MCPH1: variants seen among roughly 807,000 people sequenced by gnomAD.
The protein encoded by MCPH1 is microcephalin 1, also known as microcephalin.
A neutral mutation model predicts 84.5 loss-of-function variants in MCPH1; 104 were observed. That is an observed-to-expected ratio of 1.23 (90% CI 1.05 to 1.45). The LOEUF is 1.45. MCPH1 is among the 40% of genes most tolerant of loss of function. MCPH1 has a pLI of 0.00. For missense variants in MCPH1, 1,498 were observed against 1,005.7 expected, an observed-to-expected ratio of 1.49 and a Z score of -6.62; for synonymous variants, 514 against 366.8, an observed-to-expected ratio of 1.40 and a Z score of -4.58.
At chr8:6,529,040 T>C (rs538705458) in intron 12 of MCPH1, among the ~76,000 whole-genome samples, 10 of 152,340 alleles carry the variant, frequency 6.6e-5, no homozygotes, top group Non-Finnish European at 1.5e-4. Flanking sequence ...TGTGTCCTGT[T>C]TAATTCATAA....
rs181136961 is a variant in MCPH1, at chr8:6,417,428, C to T, written c.233+2545C>T. On this transcript the variant is annotated intron_variant, in intron 3 of 13. Transcript: ENST00000344683. Reference sequence around the variant, plus strand: ...CTTTACTTATAAGTCTGGCAGGAAGCCAGGTAGTTTCCCAATCCTTTCTGT... The same window carrying T: ...CTTTACTTATAAGTCTGGCAGGAAGTCAGGTAGTTTCCCAATCCTTTCTGT... Among the ~76,000 whole-genome samples, 239 of 152,272 alleles carry T rather than the reference C, an allele frequency of 1.6e-3. 3 individuals are homozygous for T. The highest frequency in any genetic ancestry group is 9.6e-4 in the East Asian group (5 of 5,192).
chr8:6,493,575 G>C (rs1387366218), intron 11 of MCPH1, among the ~76,000 whole-genome samples: 2 of 152,176 alleles, frequency 1.3e-5, no homozygotes, highest in Admixed American at 6.5e-5. Flanking sequence ...GAGACAGCTA[G>C]AGCAGTGCTT....
intron 12 of MCPH1, among the ~76,000 whole-genome samples, chr8:6,597,487 G>T (rs1829019632): frequency 6.6e-6 from 1 of 152,112 alleles, no homozygotes. Flanking sequence ...AAATACCGAA[G>T]ACTGTGCAAA....
At chr8:6,465,198 T>C (rs950015977) in intron 9 of MCPH1, among the ~76,000 whole-genome samples, 2 of 152,212 alleles carry the variant, frequency 1.3e-5, no homozygotes, top group African/African-American at 4.8e-5. Context: ...CTGTTTGAGA[T>C]ATTCGGAAAC....
chr8:6,607,812 G>A (rs796185438), intron 12 of MCPH1, among the ~76,000 whole-genome samples: 1 of 152,138 alleles, frequency 6.6e-6, no homozygotes, highest in Non-Finnish European at 1.5e-5. Context: ...GCCTCCCCAG[G>A]CAGGTGGAAC....
At position 6,480,735 on chromosome 8, in the gene MCPH1, G is replaced by A. The variant is rs1057232612; in HGVS notation, c.1995G>A (p.Gln665=). The change falls in exon 11 of 14, where the codon CAG becomes CAA. Residue 665 remains glutamine (Q), a synonymous_variant. Coordinates refer to ENST00000344683, the MANE Select transcript of MCPH1 (RefSeq NM_024596.5). ...MPSEKQNVVI[Q]VVDKLKGFSI... Reference sequence around the variant, plus strand: ...ACAGAAAGCAGAATGTCGTCATCCAGGTTGTGGATAAATTGAAAGGCTTTT... The same window carrying A: ...ACAGAAAGCAGAATGTCGTCATCCAAGTTGTGGATAAATTGAAAGGCTTTT... The A allele has an allele frequency of 6.2e-7, 1 of 1,614,034 alleles. No homozygotes were observed. The highest frequency in any genetic ancestry group is 1.7e-5 in the Admixed American group (1 of 60,002).
At chr8:6,472,587 C>A (rs950840860) in intron 9 of MCPH1, among the ~76,000 whole-genome samples, 20 of 152,074 alleles carry the variant, frequency 1.3e-4, no homozygotes, top group Admixed American at 9.2e-4. Flanking sequence ...CTGCCCCAGC[C>A]TCCCAAGTAG....
chr8:6,455,340 A>G, intron 9 of MCPH1, 88 bp downstream of exon 9: 1 of 951,294 alleles, frequency 1.1e-6, no homozygotes, highest in Non-Finnish European at 1.7e-6. Flanking sequence ...AAACCAGTCT[A>G]TCTGACTTGT....
At chr8:6,504,979 C>T (rs1381991309) in intron 12 of MCPH1, among the ~76,000 whole-genome samples, 1 of 151,562 alleles carries the variant, frequency 6.6e-6, no homozygotes, top group South Asian at 2.1e-4. Flanking sequence ...GTTGGAGGAA[C>T]ACATACAGTA....
Position 6,444,496 on chromosome 8 carries a change from T to A in MCPH1, c.774T>A (p.Ile258=). Residue 258 remains isoleucine, a synonymous_variant, in exon 8 of 14, where the codon ATT becomes ATA. Transcript: ENST00000344683. The stretch of plus-strand genomic sequence containing the variant: ...AGTTGGAAGGATCCATTAATGACAT[T>A]AAAAGTGATGTGTGTATTTCTTCAC... The part of the protein sequence containing the change: ...ERKLEGSIND[I]KSDVCISSLV... The A allele has an allele frequency of 6.2e-7, 1 of 1,614,158 alleles. No individual in the cohort carries two copies. Among genetic ancestry groups the A allele is most frequent in the Non-Finnish European group, 8.5e-7 (1 of 1,180,008 alleles).
At chr8:6,537,460 T>C (rs899402699) in intron 12 of MCPH1, among the ~76,000 whole-genome samples, 1 of 151,970 alleles carries the variant, frequency 6.6e-6, no homozygotes. Flanking sequence ...TTTGATTTGC[T>C]AAAAGAGTTG....
intron 12 of MCPH1, among the ~76,000 whole-genome samples, chr8:6,588,919 C>G (rs1213492264): frequency 1.3e-5 from 2 of 152,316 alleles, no homozygotes; most frequent in East Asian, 3.9e-4. Context: ...AGTCTACCTG[C>G]TACTTATAGG....
chr8:6,537,947 G>A (rs1358060441), intron 12 of MCPH1, among the ~76,000 whole-genome samples: 1 of 152,088 alleles, frequency 6.6e-6, no homozygotes, highest in Admixed American at 6.5e-5. Context: ...GTCCATCTGA[G>A]TGACCTAAGG....
intron 12 of MCPH1, among the ~76,000 whole-genome samples, chr8:6,504,912 G>T (rs1450825828): frequency 2.0e-5 from 3 of 151,960 alleles, no homozygotes; most frequent in South Asian, 2.1e-4. Context: ...GATAAGGGAG[G>T]ACTGCTGTAA....
At position 6,409,354 on chromosome 8, in the gene MCPH1, T is replaced by C; in HGVS notation, c.98T>C (p.Val33Ala). The C allele has an allele frequency of 6.2e-7, 1 of 1,613,640 alleles. No homozygotes were observed. The highest frequency in any genetic ancestry group is 8.5e-7 in the Non-Finnish European group (1 of 1,179,566). The change falls in exon 2 of 14, where the codon GTG (valine) becomes GCG (alanine). Residue 33 changes from valine (V) to alanine (A), a missense_variant. Coordinates refer to ENST00000344683, the MANE Select transcript of MCPH1 (RefSeq NM_024596.5). ...TCAAAGACATTTACAACACAGCTTG[T>C]GGATATGGGGGCAAAGGTAAGACAC... ...NYSKTFTTQL[V>A]DMGAKVSKTF...
At chr8:6,561,009 C>T (rs1825452916) in intron 12 of MCPH1, among the ~76,000 whole-genome samples, 1 of 152,170 alleles carries the variant, frequency 6.6e-6, no homozygotes, top group African/African-American at 2.4e-5. Flanking sequence ...TCTGTAACCA[C>T]GGTGGATGTG....
intron 12 of MCPH1, among the ~76,000 whole-genome samples, chr8:6,577,100 G>T (rs1404726258): frequency 6.6e-6 from 1 of 152,154 alleles, no homozygotes; most frequent in Non-Finnish European, 1.5e-5. Flanking sequence ...CCAGCCACTG[G>T]GTTCCTGCTG....
Position 6,505,301 on chromosome 8 carries a change from A to C in MCPH1, c.2214+5372A>C, listed in dbSNP as rs1262892706. 1.8e-3 allele frequency among the ~76,000 whole-genome samples: 148 copies of C among 80,402 alleles called. 17 individuals carry two copies. Among genetic ancestry groups the C allele is most frequent in the African/African-American group, 0.011 (134 of 12,074 alleles). 52.7% of individuals were successfully genotyped at this position (80,402 alleles called of 152,430 possible). A position where few individuals can be genotyped will look rare whatever the true frequency, so the allele number is the denominator to read the frequency against. ...ACATATATATGTTATATACATATAT[A>C]TGTATATAACATATATATGTTATAT... On this transcript the variant is annotated intron_variant, in intron 12 of 13. Transcript: ENST00000344683.
At position 6,646,532 on chromosome 8, in the gene MCPH1, C is replaced by G. The variant is rs901915265; in HGVS notation, c.*3483C>G. 1.3e-5 allele frequency: 2 copies of G among 152,224 alleles called. No homozygotes were observed. The highest frequency in any genetic ancestry group is 4.8e-5 in the African/African-American group (2 of 41,532). 9.4% of individuals were successfully genotyped at this position (152,224 alleles called of 1,614,324 possible). On this transcript the variant is annotated 3_prime_UTR_variant, in exon 14 of 14. Transcript: ENST00000344683. ...AGCATATTCTTTTCAACAAATGGTG[C>G]TGGCAGAAGAAAAAAAAAGTACTTG...
Sources: allele counts gnomAD v4.1 joint callset (sites outside exome capture counted in the v4.1 genomes callset), GRCh38; gene constraint gnomAD v4.1.1; transcripts MANE v1.5; gene names NCBI Gene and HGNC (gene_info 2026-07-23, HGNC 2026-07-21).